GLI2: variants seen among roughly 807,000 people sequenced by gnomAD.
GLI2 encodes GLI family zinc finger 2.
In GLI2, 22 loss-of-function variants were observed where a neutral mutation model predicts 78.9. That is an observed-to-expected ratio of 0.28 (90% CI 0.20 to 0.40). The LOEUF (loss-of-function observed/expected upper bound fraction) is 0.40, where lower values mean the gene tolerates loss of function less well. GLI2 is among the 10% of genes least tolerant of loss of function. GLI2 has a pLI of 1.00. For synonymous variants in GLI2, 974 were observed against 963.7 expected, an observed-to-expected ratio of 1.01 and a Z score of -0.20; for missense variants, 2,097 against 2,213.2, an observed-to-expected ratio of 0.95 and a Z score of 1.05.
chr2:120,939,128 A>G (rs1365935232), intron 3 of GLI2, among the ~76,000 whole-genome samples: 1 of 152,080 alleles, frequency 6.6e-6, no homozygotes. Flanking sequence ...CTAAAAATAC[A>G]AAAATTAGCC....
intron 2 of GLI2, among the ~76,000 whole-genome samples, chr2:120,879,997 C>T (rs2104706416): frequency 6.6e-6 from 1 of 152,306 alleles, no homozygotes; most frequent in South Asian, 2.1e-4. Context: ...GCACATCATG[C>T]TAGAGACGAG....
Position 120,912,274 on chromosome 2 carries a change from G to GTTT in GLI2, c.149-15072_149-15070dup, listed in dbSNP as rs564285080. ...TCATCAAAATATTGTTTTGCAAGAG[G>GTTT]TTTTTTTTTTTTTTTTTGATGTCAG... On this transcript the variant is annotated intron_variant, in intron 2 of 13. Transcript: ENST00000361492. Among the ~76,000 whole-genome samples, 850 of 136,894 alleles carry GTTT rather than the reference G, an allele frequency of 6.2e-3. 16 individuals carry two copies. Among genetic ancestry groups the GTTT allele is most frequent in the African/African-American group, 0.019 (679 of 36,198 alleles). 89.8% of individuals were successfully genotyped at this position (136,894 alleles called of 152,430 possible). A position where few individuals can be genotyped will look rare whatever the true frequency, so the allele number is the denominator to read the frequency against.
At chr2:120,893,668 A>AC (rs1461151192) in intron 2 of GLI2, among the ~76,000 whole-genome samples, 5 of 151,198 alleles carry the variant, frequency 3.3e-5, no homozygotes, top group Non-Finnish European at 5.9e-5. Flanking sequence ...AAAAAAAAAA[A>AC]GGAAAAAGAA....
chr2:120,977,311 T>C (rs1682500829), intron 9 of GLI2, among the ~76,000 whole-genome samples: 1 of 152,256 alleles, frequency 6.6e-6, no homozygotes, highest in African/African-American at 2.4e-5. Context: ...GTGAAGTTAA[T>C]TTTAATATTT....
chr2:120,815,604 C>A, intron 2 of GLI2, among the ~76,000 whole-genome samples: 1 of 152,310 alleles, frequency 6.6e-6, no homozygotes, highest in South Asian at 2.1e-4. Flanking sequence ...TCTGTGCCTG[C>A]GCACCTCTGA....
chr2:120,921,968 T>A (rs1679399914), intron 2 of GLI2, among the ~76,000 whole-genome samples: 1 of 152,218 alleles, frequency 6.6e-6, no homozygotes, highest in African/African-American at 2.4e-5. Context: ...GAGGCTGACT[T>A]ACCTCCGTGC....
Position 120,800,992 on chromosome 2 carries a change from C to T in GLI2, c.148+3524C>T, listed in dbSNP as rs925748887. The stretch of plus-strand genomic sequence containing the variant: ...TCCAGATGTGGGGGCACCCTGCATT[C>T]CCCGGCAGCTCATGGCCCCTCATGC... On this transcript the variant is annotated intron_variant, in intron 2 of 13. Transcript: ENST00000361492. The surrounding 1 kb of genome is among the most constrained non-coding windows in gnomAD (Gnocchi z 4.1). Among the ~76,000 whole-genome samples, 5 of 152,160 alleles carry T rather than the reference C, an allele frequency of 3.3e-5. No homozygotes were observed. The highest frequency in any genetic ancestry group is 7.4e-5 in the Non-Finnish European group (5 of 68,016).
intron 2 of GLI2, among the ~76,000 whole-genome samples, chr2:120,923,499 G>A (rs1162893522): frequency 6.6e-6 from 1 of 151,240 alleles, no homozygotes; most frequent in African/African-American, 2.4e-5. Flanking sequence ...CGTATACGCA[G>A]TAACACACAT....
At chr2:120,930,290 A>T (rs1315182475) in intron 3 of GLI2, among the ~76,000 whole-genome samples, 3 of 152,206 alleles carry the variant, frequency 2.0e-5, no homozygotes, top group Non-Finnish European at 2.9e-5. Flanking sequence ...AAATGCTTTT[A>T]TGTGTTCATG....
chr2:120,767,224 T>C (rs1403800818), intron 1 of GLI2, among the ~76,000 whole-genome samples: 1 of 152,108 alleles, frequency 6.6e-6, no homozygotes, highest in Non-Finnish European at 1.5e-5. Flanking sequence ...ACTAGGCCAG[T>C]CAGAGCCTGG....
chr2:120,792,771 C>A lies in GLI2; in HGVS notation c.-30-4520C>A, dbSNP rs191626184. On this transcript the variant is annotated intron_variant, in intron 1 of 13. Transcript: ENST00000361492. ...CCGAGTAGCTGGGACTACAGGTGCACGCCACCATGCCCAGCTAATTTTTTG... is the reference window on the plus strand; with the variant it reads ...CCGAGTAGCTGGGACTACAGGTGCAAGCCACCATGCCCAGCTAATTTTTTG... 2.0e-5 allele frequency among the ~76,000 whole-genome samples: 3 copies of A among 152,244 alleles called. No individual in the cohort carries two copies. In the East Asian group the frequency reaches 5.8e-4, roughly 29 times the overall value.
In GLI2 at chr2:120,951,405, C is replaced by G; in HGVS notation, c.417C>G (p.Leu139=). The part of the protein sequence containing the change: ...YLRSVHSSPT[L]SMISAARGLS... ...GTTCTGTGCACAGCAGCCCCACGCT[C>G]TCCATGATCTCTGCAGCCAGGGGCC... The change falls in exon 4 of 14, where the codon CTC becomes CTG. Residue 139 remains leucine (L), a synonymous_variant. Transcript: ENST00000361492. 6.2e-7 allele frequency: 1 copy of G among 1,613,546 alleles called. No individual in the cohort carries two copies.
At chr2:120,797,529 T>G (rs1396932529) in intron 2 of GLI2, 61 bp downstream of exon 2, 2 of 1,518,704 alleles carry the variant, frequency 1.3e-6, no homozygotes, top group Non-Finnish European at 1.8e-6. Context: ...CCCGTTAGGA[T>G]TTAATTAGAG....
chr2:120,762,019 G>T (rs1683229869), intron 1 of GLI2, among the ~76,000 whole-genome samples: 1 of 152,258 alleles, frequency 6.6e-6, no homozygotes, highest in Non-Finnish European at 1.5e-5. Flanking sequence ...ACAGCTGATG[G>T]CAGACATTCA....
At chr2:120,767,475 TG>T (rs1326846505) in intron 1 of GLI2, among the ~76,000 whole-genome samples, 1 of 152,226 alleles carries the variant, frequency 6.6e-6, no homozygotes, top group Admixed American at 6.5e-5. Context: ...CAAACAATTA[TG>T]GGTCTCCTCA....
Position 120,988,740 on chromosome 2 carries a change from C to A in GLI2, c.2775C>A (p.Asp925Glu). The A allele has an allele frequency of 1.7e-6, 2 of 1,201,624 alleles. No homozygotes were observed. The highest frequency in any genetic ancestry group is 2.6e-5 in the South Asian group (1 of 38,390). 74.4% of individuals were successfully genotyped at this position (1,201,624 alleles called of 1,614,324 possible). A position where few individuals can be genotyped will look rare whatever the true frequency, so the allele number is the denominator to read the frequency against. ...CACTGGGGCCGCGGCGTGGCAGCGA[C>A]GGGCCGACCTATGGCCACGGCCACG... ...PRPLGPRRGS[D>E]GPTYGHGHAG... The change falls in exon 14 of 14, where the codon GAC becomes GAA. Residue 925 changes from aspartate to glutamate, a missense_variant. Asp to Glu is a conservative substitution (Grantham distance 45). Coordinates refer to ENST00000361492, the MANE Select transcript of GLI2 (RefSeq NM_001374353.1).
chr2:120,840,418 G>A (rs1400206704), intron 2 of GLI2, among the ~76,000 whole-genome samples: 1 of 152,178 alleles, frequency 6.6e-6, no homozygotes, highest in Non-Finnish European at 1.5e-5. Context: ...ATGCACGCGT[G>A]TGCATGGGCA....
intron 2 of GLI2, chr2:120,866,641 T>C (rs1688148183): frequency 6.7e-6 from 1 of 150,308 alleles, no homozygotes; most frequent in Non-Finnish European, 1.5e-5. Context: ...ACATGGCACC[T>C]GGCAGACAGG....
chr2:120,942,255 G>C (rs1054952859), intron 3 of GLI2, among the ~76,000 whole-genome samples: 2 of 152,202 alleles, frequency 1.3e-5, no homozygotes, highest in African/African-American at 4.8e-5. Flanking sequence ...TCAGAGGTCA[G>C]AAGTCCAAAA....
Sources: gnomAD v4.1 joint callset for allele counts (sites outside exome capture counted in the v4.1 genomes callset) on GRCh38, gnomAD v4.1.1 for gene constraint, Gnocchi (gnomAD v3.1) non-coding constraint, MANE v1.5 for transcripts, NCBI Gene and HGNC (gene_info 2026-07-23, HGNC 2026-07-21) for gene names.